Variants in ATP9A observed in about 807,000 individuals in gnomAD.
ATP9A encodes the protein probable phospholipid-transporting ATPase IIA.
A neutral mutation model predicts 144.1 loss-of-function variants in ATP9A; 52 were observed. The observed-to-expected ratio is 0.36, with a 90% CI of 0.29 to 0.45. ATP9A has a LOEUF of 0.45. ATP9A is among the 20% of genes least tolerant of loss of function. The probability of loss-of-function intolerance (pLI) is 1.00; values close to 1 mark genes in which losing one functional copy is unlikely to be tolerated. For missense variants in ATP9A, 947 were observed against 1,392.7 expected (o/e 0.68, Z 5.09); for synonymous variants, 582 against 557.4 (o/e 1.04, Z -0.62).
intron 25 of ATP9A, 58 bp from the exon 26 acceptor site, chr20:51,607,642 C>A: frequency 7.3e-7 from 1 of 1,378,670 alleles, no homozygotes; most frequent in Non-Finnish European, 1.0e-6. Flanking sequence ...ACGCAGCATG[C>A]CATCAGCTTT....
At chr20:51,633,425 G>A (rs185052324) in intron 15 of ATP9A, among the ~76,000 whole-genome samples, 83 of 152,284 alleles carry the variant, frequency 5.5e-4, no homozygotes, top group African/African-American at 1.9e-3. Flanking sequence ...CCCTTGAAAA[G>A]GTAAAAGGTC....
intron 15 of ATP9A, among the ~76,000 whole-genome samples, chr20:51,638,003 A>G (rs1009233): frequency 0.47 from 65,481 of 139,540 alleles, 16,819 homozygotes; most frequent in East Asian, 0.81. Context: ...ATAGTCCCCA[A>G]TCCCATCCAG....
intron 13 of ATP9A, among the ~76,000 whole-genome samples, chr20:51,659,553 C>T (rs2077402802): frequency 6.6e-6 from 1 of 152,136 alleles, no homozygotes. Context: ...TCACCTACAA[C>T]AGTCTTACTG....
In ATP9A at chr20:51,670,121, G is replaced by C; in HGVS notation, c.1181-12C>G. 6.3e-7 allele frequency: 1 copy of C among 1,596,318 alleles called. No homozygotes were observed. The highest frequency in any genetic ancestry group is 1.7e-4 in the Middle Eastern group (1 of 6,020). On this transcript the variant is annotated splice_polypyrimidine_tract_variant and intron_variant, in intron 12 of 27. Transcript: ENST00000338821. ...CTGGGTAAGAGTGCCTAAAACACAAGACAAATGAGTGGCCGGCCTGTCTCT... is the reference window on the plus strand; with the variant it reads ...CTGGGTAAGAGTGCCTAAAACACAACACAAATGAGTGGCCGGCCTGTCTCT...
rs752491846 is a variant in ATP9A at position 51,689,105 on chromosome 20, C to T, written c.758G>A (p.Ser253Asn). ...DSDPPISESL[S>N]IENTLWAGTV... is the part of the protein sequence containing the mutation. ...GCCAGCCCACAGCGTGTTCTCTATG[C>T]TCAGGCTCTCGCTGATCGGGGGGTC... is the stretch of plus-strand genomic sequence containing the variant. The change falls in exon 9 of 28, where the codon AGC (serine) becomes AAC (asparagine). Residue 253 changes from serine to asparagine, a missense_variant. Around this residue, in one of 2 missense-constraint regions of ATP9A, gnomAD observed 770 missense variants for 1,047.9 expected, o/e 0.73. Transcript: ENST00000338821. 6 of 1,614,042 alleles carry T rather than the reference C, an allele frequency of 3.7e-6. No individual in the cohort carries two copies. Among genetic ancestry groups the T allele is most frequent in the Non-Finnish European group, 5.1e-6 (6 of 1,180,044 alleles).
At chr20:51,625,983 G>A (rs1029130740) in intron 17 of ATP9A, among the ~76,000 whole-genome samples, 2 of 152,216 alleles carry the variant, frequency 1.3e-5, no homozygotes, top group African/African-American at 4.8e-5. Context: ...GAGAGATCCA[G>A]GCAGTTTCCC....
chr20:51,669,053 CTT>C (rs1219313581), intron 13 of ATP9A, among the ~76,000 whole-genome samples: 1 of 152,198 alleles, frequency 6.6e-6, no homozygotes, highest in Non-Finnish European at 1.5e-5. Context: ...TCCTTATTCT[CTT>C]GTTATCTCCA....
intron 5 of ATP9A, among the ~76,000 whole-genome samples, chr20:51,697,212 G>A (rs1015636552): frequency 6.6e-6 from 1 of 151,844 alleles, no homozygotes; most frequent in Non-Finnish European, 1.5e-5. Context: ...GCTAACCAAC[G>A]CATATAAACC....
At chr20:51,719,502 A>C (rs1428696380) in intron 3 of ATP9A, among the ~76,000 whole-genome samples, 1 of 152,156 alleles carries the variant, frequency 6.6e-6, no homozygotes, top group Non-Finnish European at 1.5e-5. Context: ...TGGGAGGCCA[A>C]GATGGGCGGA....
At chr20:51,670,386 C>T (rs930483410) in intron 12 of ATP9A, among the ~76,000 whole-genome samples, 6 of 152,176 alleles carry the variant, frequency 3.9e-5, no homozygotes, top group Admixed American at 2.6e-4. Flanking sequence ...TGGCCCATTC[C>T]GTTGGCCAAG....
intron 18 of ATP9A, 128 bp downstream of exon 18, chr20:51,625,064 T>C (rs544954841): frequency 9.3e-6 from 7 of 756,560 alleles, no homozygotes; most frequent in African/African-American, 5.4e-5. Flanking sequence ...CTGTGGCCCA[T>C]TGCAGATAAG....
In ATP9A at chr20:51,689,243, C is replaced by T. The variant is rs550009618; in HGVS notation, c.724-104G>A. On this transcript the variant is annotated intron_variant, in intron 8 of 27. Transcript: ENST00000338821. ...TGGAGATAGAAAGACAGGCTCCCCC[C>T]GATGAACCTGGAAGCCCAGTTTGGA... is the stretch of plus-strand genomic sequence containing the variant. The T allele has an allele frequency of 9.2e-4, 1,101 of 1,192,922 alleles. 2 individuals are homozygous for T. Among genetic ancestry groups the T allele is most frequent in the African/African-American group, 5.7e-3 (372 of 65,630 alleles). The allele number at this position is 1,192,922 out of a possible 1,614,324, so 73.9% of individuals were successfully genotyped here.
chr20:51,655,653 G>A (rs2077383944), intron 14 of ATP9A, among the ~76,000 whole-genome samples: 1 of 152,172 alleles, frequency 6.6e-6, no homozygotes, highest in African/African-American at 2.4e-5. Context: ...GAGATGTGGA[G>A]AAACGGAAAC....
chr20:51,672,138 C>A (rs1371428422), intron 11 of ATP9A, among the ~76,000 whole-genome samples: 1 of 152,114 alleles, frequency 6.6e-6, no homozygotes, highest in Non-Finnish European at 1.5e-5. Flanking sequence ...TAAGTTGAAT[C>A]ATACACTTTT....
At chr20:51,741,199 C>T (rs2077783938) in intron 1 of ATP9A, among the ~76,000 whole-genome samples, 1 of 152,152 alleles carries the variant, frequency 6.6e-6, no homozygotes. Context: ...GGCAACACTG[C>T]TGGAGAGCAT....
Position 51,676,224 on chromosome 20 carries a change from G to GAAA in ATP9A, c.800-19_800-17dup, listed in dbSNP as rs11339305. ...ACAACAGTACCTAAAATGGAAAAAAGAAAAAAAAAAAAAGAAAAGAAATAT... is the reference window on the plus strand; with the variant it reads ...ACAACAGTACCTAAAATGGAAAAAAGAAAAAAAAAAAAAAAAGAAAAGAAATAT... On this transcript the variant is annotated splice_polypyrimidine_tract_variant and intron_variant, in intron 9 of 27. Coordinates refer to ENST00000338821, the MANE Select transcript of ATP9A (RefSeq NM_006045.3). 13 of 1,223,136 alleles carry GAAA rather than the reference G, an allele frequency of 1.1e-5. No individual in the cohort carries two copies. Among genetic ancestry groups the GAAA allele is most frequent in the Admixed American group, 2.3e-5 (1 of 42,604 alleles). 75.8% of individuals were successfully genotyped at this position (1,223,136 alleles called of 1,614,324 possible).
At chr20:51,645,558 G>C (rs751951907) in intron 14 of ATP9A, among the ~76,000 whole-genome samples, 1 of 151,852 alleles carries the variant, frequency 6.6e-6, no homozygotes. Flanking sequence ...AAACAAGAAC[G>C]TTCTCAGTCT....
intron 18 of ATP9A, 43 bp downstream of exon 18, chr20:51,625,149 G>GC (rs2077242827): frequency 1.3e-6 from 2 of 1,565,470 alleles, no homozygotes; most frequent in Non-Finnish European, 1.7e-6. Flanking sequence ...GGGATAACTG[G>GC]CATTGCCCTG....
chr20:51,678,807 C>T (rs1379247379), intron 9 of ATP9A, among the ~76,000 whole-genome samples: 3 of 152,188 alleles, frequency 2.0e-5, no homozygotes, highest in Non-Finnish European at 4.4e-5. Context: ...TGGCTAACCT[C>T]GATGCCATCA....
Sources: gnomAD v4.1 joint callset for allele counts (sites outside exome capture counted in the v4.1 genomes callset) on GRCh38, gnomAD v4.1.1 for gene constraint, gnomAD v4.1.1 regional missense constraint, MANE v1.5 for transcripts, NCBI Gene and HGNC (gene_info 2026-07-23, HGNC 2026-07-21) for gene names.